FBN2: variants seen among roughly 807,000 people sequenced by gnomAD.
The protein encoded by FBN2 is fibrillin 2.
FBN2 carries 105 observed loss-of-function variants against 355.6 expected under a neutral mutation model. That is an observed-to-expected ratio of 0.30 (90% CI 0.25 to 0.35). The LOEUF is 0.35. Ranked by LOEUF, FBN2 falls within the 10% of genes least tolerant of loss-of-function variation. FBN2 has a pLI of 1.00. For synonymous variants in FBN2, 1,350 were observed against 1,301.2 expected (o/e 1.04, Z -0.81); for missense variants, 3,280 against 3,758.7 (o/e 0.87, Z 3.33).
intron 11 of FBN2, among the ~76,000 whole-genome samples, chr5:128,389,384 G>A (rs1752451044): frequency 6.6e-6 from 1 of 152,214 alleles, no homozygotes; most frequent in African/African-American, 2.4e-5. Context: ...GCTGGCAAAG[G>A]AGCTATGGTG....
Position 128,408,862 on chromosome 5 carries a change from GA to G in FBN2, c.953-64del. The G allele has an allele frequency of 2.1e-5, 34 of 1,590,142 alleles. No individual in the cohort carries two copies. In the South Asian group the frequency reaches 3.6e-4, roughly 17 times the overall value. On this transcript the variant is annotated intron_variant, in intron 7 of 64. Transcript: ENST00000262464. ...CCTTCATTAAATAGCTTTTAAAAGA[GA>G]TTTTTTTTTTAAGAGTATGAGAGCA...
At chr5:128,409,737 C>G (rs1013535957) in intron 7 of FBN2, among the ~76,000 whole-genome samples, 1 of 151,976 alleles carries the variant, frequency 6.6e-6, no homozygotes, top group African/African-American at 2.4e-5. Context: ...ACAATAAAAG[C>G]CATACATACA....
At chr5:128,414,575 A>T (rs1753148631) in intron 7 of FBN2, among the ~76,000 whole-genome samples, 1 of 152,202 alleles carries the variant, frequency 6.6e-6, no homozygotes, top group South Asian at 2.1e-4. Context: ...GCTATTATAA[A>T]TAAAGTTGCC....
chr5:128,526,632 C>G (rs1756569851), intron 4 of FBN2, among the ~76,000 whole-genome samples: 1 of 152,034 alleles, frequency 6.6e-6, no homozygotes, highest in Admixed American at 6.6e-5. Flanking sequence ...AACCAGTCAC[C>G]CAAGGACAAA....
chr5:128,257,992 G>A lies in FBN2; in HGVS notation c.*1463C>T, dbSNP rs1172759675. 6.6e-6 allele frequency: 1 copy of A among 151,972 alleles called. No homozygotes were observed. Among genetic ancestry groups the A allele is most frequent in the African/African-American group, 2.4e-5 (1 of 40,988 alleles). The allele number at this position is 151,972 out of a possible 1,614,324, so 9.4% of individuals were successfully genotyped here. ...AAACAAACAAAACCAAAAACCATAA[G>A]TTTTTCCTCACAAACTCTTGATTAC... On this transcript the variant is annotated 3_prime_UTR_variant, in exon 65 of 65. Transcript: ENST00000262464.
intron 4 of FBN2, among the ~76,000 whole-genome samples, chr5:128,521,844 T>A (rs1756441625): frequency 6.6e-6 from 1 of 152,124 alleles, no homozygotes. Flanking sequence ...GAACCTTGAG[T>A]TTCTCCTAGA....
intron 11 of FBN2, 67 bp downstream of exon 11, chr5:128,391,951 A>G (rs1752522812): frequency 2.1e-6 from 3 of 1,434,152 alleles, no homozygotes; most frequent in East Asian, 2.3e-5. Context: ...ATTCATTCCA[A>G]TTTGATCCTG....
intron 11 of FBN2, among the ~76,000 whole-genome samples, chr5:128,386,972 G>A (rs1752382545): frequency 6.6e-6 from 1 of 152,114 alleles, no homozygotes; most frequent in Non-Finnish European, 1.5e-5. Flanking sequence ...AGTTAGGAAG[G>A]AGTTCCTCCT....
intron 7 of FBN2, among the ~76,000 whole-genome samples, chr5:128,432,512 G>A (rs1370353704): frequency 6.6e-6 from 1 of 152,132 alleles, no homozygotes; most frequent in Non-Finnish European, 1.5e-5. Flanking sequence ...CACTGGCAGA[G>A]CTGTCTATTT....
chr5:128,384,345 T>C (rs1752312605), intron 11 of FBN2, among the ~76,000 whole-genome samples: 1 of 151,962 alleles, frequency 6.6e-6, no homozygotes, highest in African/African-American at 2.4e-5. Context: ...AAGTAAGCCT[T>C]ATGAGGGTGA....
chr5:128,479,930 GTCTCTCTCTCTCTC>G (rs1180726296), intron 5 of FBN2, among the ~76,000 whole-genome samples: 30 of 58,128 alleles, frequency 5.2e-4, no homozygotes, highest in Admixed American at 1.3e-3. Context: ...TTGTCTCCTT[GTCTCTCTCTCTCTC>G]TCTCTCTCTC....
chr5:128,338,497 G>A (rs1203286159), intron 26 of FBN2, among the ~76,000 whole-genome samples: 2 of 152,252 alleles, frequency 1.3e-5, no homozygotes, highest in East Asian at 3.9e-4. Context: ...TATCCTATGA[G>A]GTAGGTCTTA....
At chr5:128,334,592 TCA>T in intron 31 of FBN2, 125 bp downstream of exon 31, 2 of 1,011,392 alleles carry the variant, frequency 2.0e-6, no homozygotes, top group Non-Finnish European at 3.1e-6. Context: ...CACACACTCA[TCA>T]CACACACAGT....
chr5:128,316,722 A>G (rs1450530278), intron 36 of FBN2, among the ~76,000 whole-genome samples: 1 of 152,204 alleles, frequency 6.6e-6, no homozygotes, highest in African/African-American at 2.4e-5. Context: ...TGGCATTCAT[A>G]TAATTGTTTC....
intron 6 of FBN2, among the ~76,000 whole-genome samples, chr5:128,453,791 G>A (rs951031252): frequency 6.6e-6 from 1 of 152,102 alleles, no homozygotes; most frequent in African/African-American, 2.4e-5. Flanking sequence ...TCCTGAAACA[G>A]TTTGTCACCA....
At chr5:128,290,385 T>A (rs1749287334) in intron 50 of FBN2, among the ~76,000 whole-genome samples, 1 of 152,216 alleles carries the variant, frequency 6.6e-6, no homozygotes, top group Admixed American at 6.5e-5. Context: ...AGCCACAGCC[T>A]GTGATACAAT....
chr5:128,292,142 A>G (rs1368646372), intron 48 of FBN2, among the ~76,000 whole-genome samples: 1 of 152,084 alleles, frequency 6.6e-6, no homozygotes, highest in African/African-American at 2.4e-5. Context: ...CCAGTCTCTC[A>G]ACTGATGTCT....
chr5:128,500,544 G>A (rs1488146456), intron 5 of FBN2, among the ~76,000 whole-genome samples: 1 of 137,844 alleles, frequency 7.3e-6, no homozygotes, highest in Non-Finnish European at 1.5e-5. Context: ...CCGGGTTCAC[G>A]CCATTCTCCC....
At chr5:128,318,473 G>C (rs1750272242) in intron 35 of FBN2, among the ~76,000 whole-genome samples, 1 of 152,040 alleles carries the variant, frequency 6.6e-6, no homozygotes, top group Non-Finnish European at 1.5e-5. Flanking sequence ...ATTTATGACA[G>C]CGTTTAACAT....
Sources: gnomAD v4.1 joint callset for allele counts (sites outside exome capture counted in the v4.1 genomes callset) on GRCh38, gnomAD v4.1.1 for gene constraint, MANE v1.5 for transcripts, NCBI Gene and HGNC (gene_info 2026-07-23, HGNC 2026-07-21) for gene names.